The following KSR2 variants were observed in gnomAD, a reference collection of about 807,000 sequenced individuals.
KSR2 encodes kinase suppressor of ras 2.
KSR2 carries 25 observed loss-of-function variants against 107.8 expected under a neutral mutation model. The ratio of observed to expected loss-of-function variants is 0.23; its 90% CI spans 0.17 to 0.32. The LOEUF (loss-of-function observed/expected upper bound fraction) is 0.32, where lower values mean the gene tolerates loss of function less well. Among genes scored for constraint, KSR2 ranks in the 10% least tolerant of loss-of-function variants. The pLI is 1.00. For missense variants in KSR2, 887 were observed against 1,268.9 expected, an observed-to-expected ratio of 0.70 and a Z score of 4.57; for synonymous variants, 480 against 507.0, an observed-to-expected ratio of 0.95 and a Z score of 0.71.
intron 1 of KSR2, among the ~76,000 whole-genome samples, chr12:117,906,122 G>A (rs1434636306): frequency 3.3e-5 from 5 of 151,978 alleles, no homozygotes; most frequent in South Asian, 2.1e-4. Context: ...AGGCCGAGGC[G>A]GGCAGATCAC....
At chr12:117,544,452 T>C (rs565271080) in intron 9 of KSR2, among the ~76,000 whole-genome samples, 3 of 152,128 alleles carry the variant, frequency 2.0e-5, no homozygotes, top group East Asian at 3.9e-4. Flanking sequence ...ACCCCATCTC[T>C]ACTAAAAAAT....
chr12:117,538,191 G>A (rs1004545361), intron 10 of KSR2, among the ~76,000 whole-genome samples: 4 of 152,060 alleles, frequency 2.6e-5, no homozygotes, highest in East Asian at 1.9e-4. Context: ...TGGAAGTGCC[G>A]GGCAATGAAT....
At chr12:117,588,011 C>G (rs1880112641) in intron 5 of KSR2, among the ~76,000 whole-genome samples, 1 of 152,140 alleles carries the variant, frequency 6.6e-6, no homozygotes, top group African/African-American at 2.4e-5. Context: ...CTGACAAGAC[C>G]ATTCCTTCCC....
At chr12:117,606,595 T>TC (rs1292507434) in intron 5 of KSR2, among the ~76,000 whole-genome samples, 4 of 18,540 alleles carry the variant, frequency 2.2e-4, no homozygotes, top group Non-Finnish European at 3.5e-4. Flanking sequence ...CTTCCTTCCT[T>TC]CTTTCCTCCT....
intron 13 of KSR2, 61 bp downstream of exon 13, chr12:117,527,010 G>C (rs985923090): frequency 2.8e-6 from 4 of 1,451,218 alleles, no homozygotes; most frequent in East Asian, 2.3e-5. Flanking sequence ...AACGTCAGTC[G>C]GCTTTGCCAA....
At chr12:117,665,213 G>A (rs1565950701) in intron 5 of KSR2, among the ~76,000 whole-genome samples, 1 of 152,180 alleles carries the variant, frequency 6.6e-6, no homozygotes, top group East Asian at 1.9e-4. Flanking sequence ...TTTAATTAAG[G>A]ACTTTGCTCC....
intron 5 of KSR2, among the ~76,000 whole-genome samples, chr12:117,666,234 A>C (rs1031300738): frequency 6.6e-6 from 1 of 152,148 alleles, no homozygotes; most frequent in African/African-American, 2.4e-5. Context: ...GCTATAAACC[A>C]AGCTCACTAT....
intron 14 of KSR2, among the ~76,000 whole-genome samples, chr12:117,488,387 A>T (rs183642393): frequency 1.1e-4 from 17 of 152,326 alleles, no homozygotes; most frequent in African/African-American, 3.6e-4. Flanking sequence ...TTGAAATCCC[A>T]AACTAGAACC....
intron 4 of KSR2, among the ~76,000 whole-genome samples, chr12:117,733,368 G>T (rs923926170): frequency 6.6e-6 from 1 of 152,072 alleles, no homozygotes; most frequent in Non-Finnish European, 1.5e-5. Context: ...GCCTGAACAC[G>T]TCCCACTCTT....
At chr12:117,508,747 G>C (rs953935534) in intron 14 of KSR2, among the ~76,000 whole-genome samples, 6 of 151,788 alleles carry the variant, frequency 4.0e-5, no homozygotes, top group Non-Finnish European at 8.8e-5. Context: ...GTAGATAAAT[G>C]AGTGGATGGG....
intron 1 of KSR2, among the ~76,000 whole-genome samples, chr12:117,960,470 T>A (rs1240500042): frequency 6.6e-6 from 1 of 152,122 alleles, no homozygotes; most frequent in African/African-American, 2.4e-5. Context: ...GCTGCCACCA[T>A]GTAAGAAACC....
At chr12:117,521,906 G>A (rs1874779390) in intron 14 of KSR2, among the ~76,000 whole-genome samples, 1 of 152,212 alleles carries the variant, frequency 6.6e-6, no homozygotes, top group African/African-American at 2.4e-5. Context: ...CAAGTGGACA[G>A]TGCTGAACAG....
chr12:117,645,982 G>A (rs1344185818), intron 5 of KSR2, among the ~76,000 whole-genome samples: 1 of 151,070 alleles, frequency 6.6e-6, no homozygotes, highest in East Asian at 2.0e-4. Context: ...AATCCAATAT[G>A]TTCAAGTCCC....
chr12:117,524,220 T>G (rs116049079), intron 14 of KSR2, among the ~76,000 whole-genome samples: 58 of 152,264 alleles, frequency 3.8e-4, no homozygotes, highest in African/African-American at 1.3e-3. Context: ...TGACTCCTGA[T>G]TTAGTTGAAT....
intron 5 of KSR2, among the ~76,000 whole-genome samples, chr12:117,636,461 C>G (rs7959362): frequency 0.17 from 25,073 of 151,856 alleles, 2,155 homozygotes; most frequent in Middle Eastern, 0.24. Context: ...ACTGAAATAA[C>G]AAACCAGTCA....
intron 4 of KSR2, among the ~76,000 whole-genome samples, chr12:117,724,135 C>T (rs928961709): frequency 4.0e-5 from 6 of 151,812 alleles, no homozygotes; most frequent in Non-Finnish European, 7.4e-5. Flanking sequence ...GGTGAAACCC[C>T]GTCTCTACCA....
At chr12:117,872,276 T>C (rs1893676727) in intron 1 of KSR2, among the ~76,000 whole-genome samples, 1 of 152,166 alleles carries the variant, frequency 6.6e-6, no homozygotes, top group East Asian at 1.9e-4. Context: ...TTTCCAATCA[T>C]AAGCTTCAAC....
At chr12:117,921,125 G>A (rs1313029614) in intron 1 of KSR2, among the ~76,000 whole-genome samples, 2 of 152,044 alleles carry the variant, frequency 1.3e-5, no homozygotes, top group African/African-American at 4.8e-5. Flanking sequence ...AATCACTCTT[G>A]GCCTCAGTTT....
At chr12:117,933,237 C>A (rs1483727577) in intron 1 of KSR2, among the ~76,000 whole-genome samples, 2 of 152,088 alleles carry the variant, frequency 1.3e-5, no homozygotes, top group East Asian at 3.8e-4. Flanking sequence ...AGATAAACAA[C>A]AAATAATTTT....
Sources: gnomAD v4.1 joint callset for allele counts (sites outside exome capture counted in the v4.1 genomes callset) on GRCh38, gnomAD v4.1.1 for gene constraint, MANE v1.5 for transcripts, NCBI Gene and HGNC (gene_info 2026-07-23, HGNC 2026-07-21) for gene names.